SIMC1: variants seen among roughly 807,000 people sequenced by gnomAD.
The protein encoded by SIMC1 is SUMO interacting motifs containing 1, also known as SUMO-interacting motif-containing protein 1.
SIMC1 carries 55 observed loss-of-function variants against 82.3 expected under a neutral mutation model. The ratio of observed to expected loss-of-function variants is 0.67; its 90% CI spans 0.54 to 0.84. SIMC1 has a LOEUF of 0.84. Ranked by LOEUF, SIMC1 falls within the 40% of genes least tolerant of loss-of-function variation. The pLI, the probability that SIMC1 is intolerant of heterozygous loss-of-function variation, is 0.00. For missense variants in SIMC1, 915 were observed against 1,107.2 expected (o/e 0.83, Z 2.46); for synonymous variants, 353 against 426.3 (o/e 0.83, Z 2.12).
rs1345347726 is a variant in SIMC1 at position 176,295,144 on chromosome 5, C to T, written c.1546C>T (p.Pro516Ser). The T allele has an allele frequency of 6.2e-7, 1 of 1,613,540 alleles. No individual in the cohort carries two copies. Among genetic ancestry groups the T allele is most frequent in the Admixed American group, 1.7e-5 (1 of 59,974 alleles). The change falls in exon 3 of 10, where the codon CCC becomes TCC. Residue 516 changes from proline to serine, a missense_variant. Coordinates refer to ENST00000429602, the MANE Select transcript of SIMC1 (RefSeq NM_001308195.2). ...GCAGTTTTTGATGGACTTTGTGTCA[C>T]CCCAGCATTACCCACCAAGAGAAAT... is the stretch of plus-strand genomic sequence containing the variant. ...TVQFLMDFVS[P>S]QHYPPREIVA...
At chr5:176,277,835 T>C (rs1276869964) in intron 1 of SIMC1, among the ~76,000 whole-genome samples, 1 of 151,814 alleles carries the variant, frequency 6.6e-6, no homozygotes, top group Non-Finnish European at 1.5e-5. Flanking sequence ...AGTACCATGC[T>C]GTTTTGGTGA....
chr5:176,251,591 T>C (rs1462999940), intron 1 of SIMC1, among the ~76,000 whole-genome samples: 5 of 152,024 alleles, frequency 3.3e-5, no homozygotes, highest in South Asian at 2.1e-4. Flanking sequence ...CTTTTCTTTT[T>C]TTTTTTTTTA....
chr5:176,325,215 T>A (rs749227628), intron 7 of SIMC1, among the ~76,000 whole-genome samples: 2 of 151,920 alleles, frequency 1.3e-5, no homozygotes, highest in African/African-American at 4.8e-5. Context: ...GGTGAAACCC[T>A]GTCTCTACTA....
intron 4 of SIMC1, among the ~76,000 whole-genome samples, chr5:176,301,122 C>T (rs746509149): frequency 5.3e-5 from 8 of 152,230 alleles, no homozygotes; most frequent in Non-Finnish European, 7.4e-5. Context: ...ATGGTTTGGC[C>T]GTGTCCCCAC....
In SIMC1 at chr5:176,345,623, C is replaced by T. The variant is rs1766432747; in HGVS notation, c.*178C>T. The stretch of plus-strand genomic sequence containing the variant: ...CTTTTTTTAAATAATCCTATCCTAG[C>T]CTGTTCTCAAATATGGCTTAAATAT... On this transcript the variant is annotated 3_prime_UTR_variant, in exon 10 of 10. Transcript: ENST00000429602. The T allele has an allele frequency of 3.7e-6, 2 of 535,018 alleles. No homozygotes were observed. Among genetic ancestry groups the T allele is most frequent in the Non-Finnish European group, 6.0e-6 (2 of 333,566 alleles). The allele number at this position is 535,018 out of a possible 1,614,324, so 33.1% of individuals were successfully genotyped here.
intron 1 of SIMC1, among the ~76,000 whole-genome samples, chr5:176,255,745 G>GA (rs1251847145): frequency 7.1e-5 from 10 of 140,226 alleles, no homozygotes; most frequent in South Asian, 6.8e-4. Flanking sequence ...GAAAAGAAAA[G>GA]AAAGAAAGAA....
intron 2 of SIMC1, among the ~76,000 whole-genome samples, chr5:176,291,771 C>G (rs1464508079): frequency 6.6e-6 from 1 of 152,220 alleles, no homozygotes; most frequent in African/African-American, 2.4e-5. Context: ...AGCCACCGCG[C>G]CCAGCAGGGC....
rs145302142 is a variant in SIMC1 at position 176,288,847 on chromosome 5, A to G, written c.130-807A>G. On this transcript the variant is annotated intron_variant, in intron 1 of 9. Coordinates refer to ENST00000429602, the MANE Select transcript of SIMC1 (RefSeq NM_001308195.2). ...ACAGAAGGTAGAGCAATATTTTTCC[A>G]GGCTCATGGTACAGAGGTTGATTAC... Among the ~76,000 whole-genome samples the G allele has an allele frequency of 6.1e-3, 932 of 152,300 alleles. 16 individuals carry two copies. The highest frequency in any genetic ancestry group is 0.021 in the African/African-American group (883 of 41,560).
intron 1 of SIMC1, among the ~76,000 whole-genome samples, chr5:176,285,723 G>C (rs1228873607): frequency 6.6e-6 from 1 of 152,102 alleles, no homozygotes; most frequent in Non-Finnish European, 1.5e-5. Context: ...TGACATGATT[G>C]TATATTTAGA....
In SIMC1 at chr5:176,290,516, C is replaced by G; in HGVS notation, c.992C>G (p.Ser331Ter). The G allele has an allele frequency of 6.2e-7, 1 of 1,613,988 alleles. No individual in the cohort carries two copies. The highest frequency in any genetic ancestry group is 8.5e-7 in the Non-Finnish European group (1 of 1,179,902). The change falls in exon 2 of 10, where the codon TCA becomes TGA. Residue 331 changes from serine (S) to a stop codon, truncating the protein, a stop_gained. Transcript: ENST00000429602. LOFTEE classifies it high-confidence loss of function. The stretch of plus-strand genomic sequence containing the variant: ...TCACCGTCACCAGATGCACCACAGT[C>G]ACCAGGGGGCATGCCACACTTACCG... ...DVSPSPDAPQ[S>*]PGGMPHLPGD... is the part of the protein sequence containing the mutation.
At chr5:176,299,810 C>T (rs891336801) in intron 4 of SIMC1, among the ~76,000 whole-genome samples, 3 of 152,214 alleles carry the variant, frequency 2.0e-5, no homozygotes, top group Non-Finnish European at 2.9e-5. Context: ...TTCCACCCAA[C>T]AACAGCAGAA....
intron 1 of SIMC1, among the ~76,000 whole-genome samples, chr5:176,287,811 T>C (rs1335525799): frequency 1.3e-5 from 2 of 151,950 alleles, no homozygotes; most frequent in Non-Finnish European, 2.9e-5. Context: ...ATAAATCAAG[T>C]ATATTTATAT....
chr5:176,289,751 C>T lies in SIMC1; in HGVS notation c.227C>T (p.Pro76Leu). Residue 76 changes from proline to leucine, a missense_variant, in exon 2 of 10, where the codon CCT becomes CTT. Pro to Leu is a moderately conservative substitution (Grantham distance 98). This residue lies in a region of SIMC1 where 902 missense variants were observed against 1,040.3 expected (regional missense o/e 0.87). Coordinates refer to ENST00000429602, the MANE Select transcript of SIMC1 (RefSeq NM_001308195.2). ...DLTRAEGENR[P>L]IATLDLTLEP... is the part of the protein sequence containing the mutation. ...ACAAGAGCTGAGGGAGAAAATAGAC[C>T]TATTGCCACTCTTGACTTAACTTTA... The T allele has an allele frequency of 1.2e-6, 2 of 1,613,828 alleles. No homozygotes were observed. Among genetic ancestry groups the T allele is most frequent in the African/African-American group, 1.3e-5 (1 of 75,030 alleles).
At chr5:176,287,366 A>G (rs946909598) in intron 1 of SIMC1, among the ~76,000 whole-genome samples, 3 of 152,296 alleles carry the variant, frequency 2.0e-5, no homozygotes, top group African/African-American at 7.2e-5. Context: ...ATTCTCAGTA[A>G]ACTATCGCAA....
intron 2 of SIMC1, among the ~76,000 whole-genome samples, chr5:176,294,137 G>A (rs2113276249): frequency 6.6e-6 from 1 of 152,116 alleles, no homozygotes; most frequent in Middle Eastern, 3.4e-3. Context: ...ATCAACCTAG[G>A]CTACCTGTTG....
chr5:176,304,915 G>A (rs1342990230), intron 4 of SIMC1, among the ~76,000 whole-genome samples: 3 of 136,316 alleles, frequency 2.2e-5, no homozygotes, highest in East Asian at 2.4e-4. Context: ...CTGCCCGGCC[G>A]CCCCGTCTGA....
chr5:176,335,273 C>CTTTTTTTTT (rs1225021593), intron 7 of SIMC1, among the ~76,000 whole-genome samples: 9 of 98,646 alleles, frequency 9.1e-5, no homozygotes, highest in East Asian at 3.4e-4. Flanking sequence ...TTCTTTGTAT[C>CTTTTTTTTT]TTTTTTTTTT....
At chr5:176,286,882 T>G (rs1415688005) in intron 1 of SIMC1, among the ~76,000 whole-genome samples, 1 of 152,192 alleles carries the variant, frequency 6.6e-6, no homozygotes, top group Non-Finnish European at 1.5e-5. Context: ...GAAAAAATGC[T>G]CATCATCACT....
At chr5:176,282,280 C>T (rs1286784482) in intron 1 of SIMC1, among the ~76,000 whole-genome samples, 5 of 152,224 alleles carry the variant, frequency 3.3e-5, no homozygotes, top group South Asian at 2.1e-4. Context: ...TTAAGCCCGT[C>T]GGAAAAGCGC....
Sources: gnomAD v4.1 joint callset for allele counts (sites outside exome capture counted in the v4.1 genomes callset) on GRCh38, gnomAD v4.1.1 for gene constraint, gnomAD v4.1.1 regional missense constraint, MANE v1.5 for transcripts, NCBI Gene and HGNC (gene_info 2026-07-23, HGNC 2026-07-21) for gene names.